EEFSEC: variants seen among roughly 807,000 people sequenced by gnomAD.
EEFSEC encodes the protein selenocysteine-specific elongation factor.
EEFSEC carries 43 observed loss-of-function variants against 42.1 expected under a neutral mutation model. The ratio of observed to expected loss-of-function variants is 1.02; its 90% CI spans 0.80 to 1.32. EEFSEC has a LOEUF of 1.32. Among genes scored for constraint, EEFSEC ranks in the 40% most tolerant of loss-of-function variants. EEFSEC has a pLI of 0.00. For missense variants in EEFSEC, 745 were observed against 803.6 expected (o/e 0.93, Z 0.88); for synonymous variants, 354 against 339.1 (o/e 1.04, Z -0.48).
chr3:128,350,582 TC>T (rs2067372799), intron 5 of EEFSEC, among the ~76,000 whole-genome samples: 1 of 152,208 alleles, frequency 6.6e-6, no homozygotes, highest in Non-Finnish European at 1.5e-5. Flanking sequence ...TCTTCTGACT[TC>T]CAGTATCAGG....
At chr3:128,398,058 G>T (rs181276826) in intron 6 of EEFSEC, among the ~76,000 whole-genome samples, 1 of 152,350 alleles carries the variant, frequency 6.6e-6, no homozygotes, top group Non-Finnish European at 1.5e-5. Context: ...GAAGGTGGGT[G>T]GGGGAGCTCT....
chr3:128,153,482 CG>C lies in EEFSEC; in HGVS notation c.-23del. On this transcript the variant is annotated 5_prime_UTR_variant, in exon 1 of 7. Coordinates refer to ENST00000254730, the MANE Select transcript of EEFSEC (RefSeq NM_021937.5). Reference sequence around the variant, plus strand: ...CGAGGGAGGTGAGGGGCGGGCCGGGCGGGTGTCCGAGGCGGCGGCGGCGGCA... The same window carrying C: ...CGAGGGAGGTGAGGGGCGGGCCGGGCGGTGTCCGAGGCGGCGGCGGCGGCA... 6.8e-7 allele frequency: 1 copy of C among 1,467,930 alleles called. No individual in the cohort carries two copies. Among genetic ancestry groups the C allele is most frequent in the South Asian group, 1.4e-5 (1 of 73,290 alleles). 90.9% of individuals were successfully genotyped at this position (1,467,930 alleles called of 1,614,324 possible).
downstream of EEFSEC, among the ~76,000 whole-genome samples, chr3:128,410,617 T>C (rs1313169692): frequency 6.6e-6 from 1 of 152,112 alleles, no homozygotes; most frequent in Non-Finnish European, 1.5e-5. Context: ...CATGCCTCAG[T>C]GTCCCCATGT....
At chr3:128,318,861 A>C (rs756316806) in intron 4 of EEFSEC, among the ~76,000 whole-genome samples, 1 of 152,198 alleles carries the variant, frequency 6.6e-6, no homozygotes, top group African/African-American at 2.4e-5. Flanking sequence ...TGGGCCAGGC[A>C]CCTGCGTGTA....
chr3:128,303,942 G>A (rs981979547), intron 4 of EEFSEC, among the ~76,000 whole-genome samples: 3 of 151,980 alleles, frequency 2.0e-5, no homozygotes, highest in African/African-American at 7.2e-5. Flanking sequence ...TTTTACTCCC[G>A]ATTTAAAATG....
chr3:128,390,718 G>A (rs2067898501), intron 6 of EEFSEC, among the ~76,000 whole-genome samples: 1 of 152,178 alleles, frequency 6.6e-6, no homozygotes, highest in South Asian at 2.1e-4. Flanking sequence ...GCCCTCAGGA[G>A]CCAGACCCAG....
intron 2 of EEFSEC, among the ~76,000 whole-genome samples, chr3:128,260,127 AT>A (rs149121652): frequency 0.14 from 20,915 of 151,540 alleles, 1,610 homozygotes; most frequent in Admixed American, 0.2. Flanking sequence ...TGGTTGGTAG[AT>A]TTTTTTTATT....
At chr3:128,233,791 G>C (rs2065981948) in intron 1 of EEFSEC, among the ~76,000 whole-genome samples, 1 of 152,080 alleles carries the variant, frequency 6.6e-6, no homozygotes, top group Admixed American at 6.5e-5. Context: ...TTGGAGGTTT[G>C]GGTTCTAATC....
At chr3:128,368,712 G>A (rs115033362) in intron 6 of EEFSEC, among the ~76,000 whole-genome samples, 1,702 of 152,322 alleles carry the variant, frequency 0.011, 24 homozygotes, top group African/African-American at 0.039. Flanking sequence ...ATAAAATGGG[G>A]GTAACAATCC....
intron 6 of EEFSEC, among the ~76,000 whole-genome samples, chr3:128,405,147 G>A (rs927103421): frequency 6.6e-6 from 1 of 151,932 alleles, no homozygotes; most frequent in Non-Finnish European, 1.5e-5. Flanking sequence ...CTCTCGAGTA[G>A]CTGGGACTAT....
intron 4 of EEFSEC, among the ~76,000 whole-genome samples, chr3:128,271,531 A>G (rs373010139): frequency 2.0e-5 from 3 of 152,286 alleles, no homozygotes; most frequent in African/African-American, 7.2e-5. Context: ...GTGGTGCACC[A>G]GATGCACAGG....
chr3:128,243,209 C>T (rs527860521), intron 1 of EEFSEC, among the ~76,000 whole-genome samples: 1 of 152,292 alleles, frequency 6.6e-6, no homozygotes, highest in Non-Finnish European at 1.5e-5. Flanking sequence ...GGGGTCCGCT[C>T]AAGAGCCTGG....
chr3:128,339,954 G>A (rs2067232274), intron 4 of EEFSEC, among the ~76,000 whole-genome samples: 1 of 152,048 alleles, frequency 6.6e-6, no homozygotes, highest in South Asian at 2.1e-4. Flanking sequence ...TACCAGTATG[G>A]GGGAAAGCAC....
chr3:128,330,277 G>A (rs577989762), intron 4 of EEFSEC, among the ~76,000 whole-genome samples: 6 of 152,274 alleles, frequency 3.9e-5, no homozygotes, highest in African/African-American at 7.2e-5. Flanking sequence ...TTGTAAGGTC[G>A]CCACAGATGG....
At chr3:128,216,989 T>A (rs2065817304) in intron 1 of EEFSEC, among the ~76,000 whole-genome samples, 1 of 152,224 alleles carries the variant, frequency 6.6e-6, no homozygotes, top group Non-Finnish European at 1.5e-5. Flanking sequence ...TATTCATATG[T>A]TAGTATTATA....
intron 4 of EEFSEC, among the ~76,000 whole-genome samples, chr3:128,270,633 A>T (rs2066403816): frequency 6.6e-6 from 1 of 152,252 alleles, no homozygotes; most frequent in African/African-American, 2.4e-5. Context: ...AGGGTGAGAT[A>T]AGATTATGAC....
chr3:128,341,192 G>T, intron 4 of EEFSEC, 41 bp from the exon 5 acceptor site: 1 of 1,558,984 alleles, frequency 6.4e-7, no homozygotes, highest in Non-Finnish European at 8.7e-7. Context: ...CAGCCCCGAG[G>T]CTTGTTGGTT....
intron 6 of EEFSEC, among the ~76,000 whole-genome samples, chr3:128,388,146 CTG>C (rs1340557107): frequency 1.3e-5 from 2 of 152,234 alleles, no homozygotes; most frequent in Non-Finnish European, 2.9e-5. Flanking sequence ...TCTCTGAGCT[CTG>C]TTCCTCTTTC....
At chr3:128,294,490 G>A (rs976028928) in intron 4 of EEFSEC, among the ~76,000 whole-genome samples, 3 of 152,200 alleles carry the variant, frequency 2.0e-5, no homozygotes, top group African/African-American at 7.2e-5. Context: ...ACAGGTAAAG[G>A]AGAGTTTCAG....
Sources: allele counts gnomAD v4.1 joint callset (sites outside exome capture counted in the v4.1 genomes callset), GRCh38; gene constraint gnomAD v4.1.1; transcripts MANE v1.5; gene names NCBI Gene and HGNC (gene_info 2026-07-23, HGNC 2026-07-21).